Variants in CRYBG1 observed in about 807,000 individuals in gnomAD.
The protein encoded by CRYBG1 is beta/gamma crystallin domain-containing protein 1.
CRYBG1 carries 139 observed loss-of-function variants against 189.2 expected under a neutral mutation model. That is an observed-to-expected ratio of 0.73 (90% CI 0.64 to 0.85). The LOEUF (loss-of-function observed/expected upper bound fraction) is 0.85, where lower values mean the gene tolerates loss of function less well. Among genes scored for constraint, CRYBG1 ranks in the 40% least tolerant of loss-of-function variants. The pLI is 0.00. For missense variants in CRYBG1, 2,611 were observed against 2,675.8 expected (o/e 0.98, Z 0.53); for synonymous variants, 1,023 against 1,017.1 (o/e 1.01, Z -0.11).
chr6:106,544,574 G>A lies in CRYBG1; in HGVS notation c.5043G>A (p.Trp1681Ter), dbSNP rs764271246. 9.9e-6 allele frequency: 16 copies of A among 1,613,514 alleles called. No homozygotes were observed. The highest frequency in any genetic ancestry group is 1.3e-5 in the Non-Finnish European group (15 of 1,179,710). Residue 1681 changes from tryptophan to a stop codon, truncating the protein, a stop_gained, in exon 12 of 22, where the codon TGG becomes TGA. Transcript: ENST00000633556. LOFTEE classifies it high-confidence loss of function. Reference protein sequence around the residue: ...VGSMKVLRGIWVAYEKPGFTG... With the variant: ...VGSMKVLRGI The stretch of plus-strand genomic sequence containing the variant: ...CCTCGTGTTCTTTATGTTGCAGTTG[G>A]GTTGCATATGAGAAACCTGGATTTA...
intron 2 of CRYBG1, among the ~76,000 whole-genome samples, chr6:106,460,994 C>T (rs1771999048): frequency 6.6e-6 from 1 of 152,164 alleles, no homozygotes; most frequent in South Asian, 2.1e-4. Flanking sequence ...ACCATGTTGG[C>T]TAGGCTGGTC....
At chr6:106,508,867 G>C (rs1028663212) in intron 2 of CRYBG1, among the ~76,000 whole-genome samples, 2 of 150,830 alleles carry the variant, frequency 1.3e-5, no homozygotes, top group Non-Finnish European at 2.9e-5. Context: ...TCAAGTAGTT[G>C]AGCCAAGTTG....
chr6:106,444,795 C>A (rs890029848), intron 1 of CRYBG1, among the ~76,000 whole-genome samples: 1 of 152,148 alleles, frequency 6.6e-6, no homozygotes, highest in African/African-American at 2.4e-5. Context: ...GGAACTTAAA[C>A]ATTTCTGCAC....
intron 21 of CRYBG1, among the ~76,000 whole-genome samples, chr6:106,564,872 G>A (rs1202777977): frequency 2.1e-5 from 3 of 140,744 alleles, no homozygotes; most frequent in Non-Finnish European, 3.1e-5. Flanking sequence ...GTTTTGTAGC[G>A]AACTGGTGAT....
chr6:106,553,630 C>T, intron 16 of CRYBG1, 63 bp downstream of exon 16: 1 of 1,116,660 alleles, frequency 9.0e-7, no homozygotes. Context: ...CACACATCAG[C>T]AAGTATATAG....
At chr6:106,495,811 T>G (rs1421828074) in intron 2 of CRYBG1, among the ~76,000 whole-genome samples, 1 of 128,880 alleles carries the variant, frequency 7.8e-6, no homozygotes, top group African/African-American at 3.2e-5. Flanking sequence ...ATCCTTTTTT[T>G]CCTTGAGTAA....
chr6:106,424,484 T>C (rs12191953), intron 1 of CRYBG1, among the ~76,000 whole-genome samples: 17,390 of 152,056 alleles, frequency 0.11, 1,049 homozygotes, highest in East Asian at 0.15. Context: ...TTTTTTAAGA[T>C]GATTTTTACT....
intron 2 of CRYBG1, among the ~76,000 whole-genome samples, chr6:106,463,320 T>G (rs1772051726): frequency 6.6e-6 from 1 of 152,238 alleles, no homozygotes; most frequent in South Asian, 2.1e-4. Context: ...TCACCTTTGA[T>G]GCTTGTTTTT....
Position 106,544,899 on chromosome 6 carries a change from G to C in CRYBG1, c.5278G>C (p.Val1760Leu), listed in dbSNP as rs1774230844. 6.2e-7 allele frequency: 1 copy of C among 1,612,930 alleles called. No homozygotes were observed. Among genetic ancestry groups the C allele is most frequent in the Non-Finnish European group, 8.5e-7 (1 of 1,179,618 alleles). ...VANLKETGYG[V>L]KTQSINVLSG... is the part of the protein sequence containing the mutation. ...TAATTTAAAGGAGACTGGATATGGA[G>C]TGAAGACACAGTCTATTAATGTACT... is the stretch of plus-strand genomic sequence containing the variant. The change falls in exon 13 of 22, where the codon GTG becomes CTG. Residue 1760 changes from valine to leucine, a missense_variant. Physicochemically the swap from Val to Leu is conservative, Grantham distance 32. Around this residue, in one of 3 missense-constraint regions of CRYBG1, gnomAD observed 1,622 missense variants for 1,735.0 expected, o/e 0.93. Coordinates refer to ENST00000633556, the MANE Select transcript of CRYBG1 (RefSeq NM_001371242.2).
chr6:106,474,933 C>T (rs2114472146), intron 2 of CRYBG1, among the ~76,000 whole-genome samples: 1 of 152,110 alleles, frequency 6.6e-6, no homozygotes, highest in Admixed American at 6.5e-5. Flanking sequence ...TTCTTATTTC[C>T]CTTTTGCCAC....
At position 106,360,949 on chromosome 6, in the gene CRYBG1, C is replaced by T. The variant is rs1460215812; in HGVS notation, c.41C>T (p.Pro14Leu). 6.5e-7 allele frequency: 1 copy of T among 1,535,132 alleles called. No homozygotes were observed. Among genetic ancestry groups the T allele is most frequent in the East Asian group, 2.4e-5 (1 of 40,874 alleles). The change falls in exon 1 of 22, where the codon CCC becomes CTC. Residue 14 changes from proline to leucine, a missense_variant. Physicochemically the swap from Pro to Leu is moderately conservative, Grantham distance 98. Coordinates refer to ENST00000633556, the MANE Select transcript of CRYBG1 (RefSeq NM_001371242.2). ...CCAGCCCAGGGCGACCCCGGGGAGC[C>T]CAGCCCGTGCAGGCCCCCTAAGAAG... is the stretch of plus-strand genomic sequence containing the variant. Reference protein sequence around the residue: ...SPPAQGDPGEPSPCRPPKKHT... With the variant: ...SPPAQGDPGELSPCRPPKKHT...
intron 2 of CRYBG1, among the ~76,000 whole-genome samples, chr6:106,507,230 A>G (rs1773151072): frequency 6.6e-6 from 1 of 152,226 alleles, no homozygotes; most frequent in African/African-American, 2.4e-5. Flanking sequence ...AGCAGGTCGT[A>G]GCACACAACC....
At chr6:106,397,680 G>C (rs956220774) in intron 1 of CRYBG1, among the ~76,000 whole-genome samples, 2 of 152,168 alleles carry the variant, frequency 1.3e-5, no homozygotes, top group Non-Finnish European at 2.9e-5. Context: ...GAAGGCTACT[G>C]CCTCTGTGAA....
intron 8 of CRYBG1, among the ~76,000 whole-genome samples, chr6:106,530,759 C>T (rs13207381): frequency 0.23 from 35,191 of 151,936 alleles, 4,286 homozygotes; most frequent in South Asian, 0.35. Flanking sequence ...TTTCACAAAT[C>T]ACAGGAAACA....
chr6:106,544,442 A>G, intron 11 of CRYBG1, 129 bp from the exon 12 acceptor site: 2 of 1,087,072 alleles, frequency 1.8e-6, no homozygotes, highest in Non-Finnish European at 2.6e-6. Flanking sequence ...AAAGAATTCC[A>G]ATGATAATAA....
At chr6:106,531,335 G>A (rs1562107741) in intron 8 of CRYBG1, among the ~76,000 whole-genome samples, 1 of 152,220 alleles carries the variant, frequency 6.6e-6, no homozygotes, top group African/African-American at 2.4e-5. Flanking sequence ...AACAGGAAGT[G>A]TGGCTATTGA....
chr6:106,544,719 G>A (rs1582830128), intron 12 of CRYBG1, 22 bp downstream of exon 12: 1 of 1,609,272 alleles, frequency 6.2e-7, no homozygotes, highest in East Asian at 2.2e-5. Context: ...ACAAGCTAAT[G>A]GCTAATACTT....
intron 2 of CRYBG1, among the ~76,000 whole-genome samples, chr6:106,462,829 A>T (rs755363168): frequency 4.6e-5 from 7 of 152,190 alleles, no homozygotes; most frequent in Admixed American, 1.3e-4. Context: ...CTTAACCCAG[A>T]CTTTACTCAT....
At chr6:106,488,569 A>G (rs982832238) in intron 2 of CRYBG1, among the ~76,000 whole-genome samples, 1 of 151,708 alleles carries the variant, frequency 6.6e-6, no homozygotes, top group Non-Finnish European at 1.5e-5. Context: ...CCAGTTGTCA[A>G]TCCTGGGGCA....
Sources: allele counts gnomAD v4.1 joint callset (sites outside exome capture counted in the v4.1 genomes callset), GRCh38; gene constraint gnomAD v4.1.1; regional missense constraint gnomAD v4.1.1; transcripts MANE v1.5; gene names NCBI Gene and HGNC (gene_info 2026-07-23, HGNC 2026-07-21).